Variants in ST6GAL1 observed in about 807,000 individuals in gnomAD.
ST6GAL1 encodes ST6 beta-galactoside alpha-2,6-sialyltransferase 1.
In ST6GAL1, 20 loss-of-function variants were observed where a neutral mutation model predicts 38.0. That is an observed-to-expected ratio of 0.53 (90% confidence interval 0.37 to 0.77). The LOEUF is 0.77. Among genes scored for constraint, ST6GAL1 ranks in the 30% least tolerant of loss-of-function variants. The pLI is 0.00. For missense variants in ST6GAL1, 432 were observed against 496.4 expected (o/e 0.87, Z 1.23); for synonymous variants, 196 against 188.2 (o/e 1.04, Z -0.34).
chr3:187,037,292 C>T (rs967138920), intron 2 of ST6GAL1, among the ~76,000 whole-genome samples: 5 of 152,018 alleles, frequency 3.3e-5, no homozygotes, highest in African/African-American at 1.2e-4. Context: ...TCTAGTTGCC[C>T]CTCTTGGGTT....
Position 187,075,817 on chromosome 3 carries a change from A to G in ST6GAL1, c.*14A>G. ...ATTCACTGCTAAGCACAGGCTCCTC[A>G]CTCTTCTCCATCAGGCATTAAATGA... On this transcript the variant is annotated 3_prime_UTR_variant, in exon 8 of 8. Coordinates refer to ENST00000169298, the MANE Select transcript of ST6GAL1 (RefSeq NM_173216.2). The surrounding 1 kb of genome is among the most constrained non-coding windows in gnomAD (Gnocchi z 4.1). The G allele has an allele frequency of 1.2e-6, 2 of 1,611,902 alleles. No homozygotes were observed. Among genetic ancestry groups the G allele is most frequent in the African/African-American group, 1.3e-5 (1 of 74,804 alleles).
At chr3:187,066,597 CGTGCGTGT>C (rs1553836628) in intron 5 of ST6GAL1, among the ~76,000 whole-genome samples, 6 of 117,046 alleles carry the variant, frequency 5.1e-5, no homozygotes, top group East Asian at 2.7e-4. Flanking sequence ...GATGTGCGTG[CGTGCGTGT>C]GTGTGTGTGT....
At chr3:186,976,697 T>C (rs1257491100) in intron 2 of ST6GAL1, among the ~76,000 whole-genome samples, 3 of 152,228 alleles carry the variant, frequency 2.0e-5, no homozygotes, top group Non-Finnish European at 4.4e-5. Context: ...CCCAAAGTGC[T>C]GAGATTACAG....
At chr3:187,036,136 C>G (rs2108575545) in intron 2 of ST6GAL1, among the ~76,000 whole-genome samples, 1 of 152,080 alleles carries the variant, frequency 6.6e-6, no homozygotes, top group Non-Finnish European at 1.5e-5. Flanking sequence ...TATAAGCTGC[C>G]AACAAACATG....
intron 2 of ST6GAL1, among the ~76,000 whole-genome samples, chr3:187,007,136 T>C (rs1192709914): frequency 6.6e-6 from 1 of 152,174 alleles, no homozygotes; most frequent in African/African-American, 2.4e-5. Context: ...ACTTGAACAA[T>C]GACTCACGAT....
At chr3:186,942,042 G>T (rs896505786) in intron 1 of ST6GAL1, among the ~76,000 whole-genome samples, 2 of 151,890 alleles carry the variant, frequency 1.3e-5, no homozygotes, top group East Asian at 3.9e-4. Flanking sequence ...AAGTAAACTT[G>T]TTTGCCATCA....
Position 187,054,709 on chromosome 3 carries a change from A to G in ST6GAL1, c.705+3363A>G, listed in dbSNP as rs146668425. 6.4e-3 allele frequency among the ~76,000 whole-genome samples: 971 copies of G among 152,264 alleles called. 8 individuals are homozygous for G. Among genetic ancestry groups the G allele is most frequent in the African/African-American group, 0.022 (931 of 41,534 alleles). On this transcript the variant is annotated intron_variant, in intron 5 of 7. Coordinates refer to ENST00000169298, the MANE Select transcript of ST6GAL1 (RefSeq NM_173216.2). ...GCTGGATTTGGTTTGCCAGTATTTTATTGAGGATTTTTGCATCGATGTTCA... is the reference window on the plus strand; with the variant it reads ...GCTGGATTTGGTTTGCCAGTATTTTGTTGAGGATTTTTGCATCGATGTTCA...
intron 2 of ST6GAL1, among the ~76,000 whole-genome samples, chr3:187,013,874 C>T (rs1224606782): frequency 2.6e-5 from 4 of 152,174 alleles, no homozygotes; most frequent in South Asian, 2.1e-4. Context: ...CATGAGCCAC[C>T]GCACCCGGCC....
intron 5 of ST6GAL1, among the ~76,000 whole-genome samples, chr3:187,054,806 G>A (rs928373950): frequency 6.6e-6 from 1 of 152,174 alleles, no homozygotes; most frequent in African/African-American, 2.4e-5. Context: ...GATGATACTT[G>A]CCTCATAAAA....
At chr3:187,072,794 G>C (rs1331307386) in intron 5 of ST6GAL1, 55 bp from the exon 6 acceptor site, 1 of 1,488,306 alleles carries the variant, frequency 6.7e-7, no homozygotes, top group Non-Finnish European at 9.4e-7. Flanking sequence ...ATTACTTCAT[G>C]TCAAACATTT....
In ST6GAL1 at chr3:186,936,017, G is replaced by A. The variant is rs115933887; in HGVS notation, c.-325+5183G>A. ...GTGGAGGGGGTCTTGTGCTTAGCCT[G>A]GGATTACAAAGAGCATGGAGACCCA... On this transcript the variant is annotated intron_variant, in intron 1 of 7. Coordinates refer to ENST00000169298, the MANE Select transcript of ST6GAL1 (RefSeq NM_173216.2). Among the ~76,000 whole-genome samples the A allele has an allele frequency of 5.5e-3, 842 of 152,218 alleles. 5 individuals are homozygous for A. Among genetic ancestry groups the A allele is most frequent in the African/African-American group, 0.019 (785 of 41,516 alleles).
intron 2 of ST6GAL1, chr3:186,964,154 C>T (rs1262836755): frequency 6.6e-6 from 1 of 152,198 alleles, no homozygotes; most frequent in Non-Finnish European, 1.5e-5. Flanking sequence ...GTTGTATTTT[C>T]TCAGTTGCTG....
chr3:187,005,644 A>C (rs1176453099), intron 2 of ST6GAL1, among the ~76,000 whole-genome samples: 7 of 152,142 alleles, frequency 4.6e-5, no homozygotes, highest in Non-Finnish European at 1.0e-4. Flanking sequence ...CTCTTATTAC[A>C]TGCAGTGGAT....
intron 2 of ST6GAL1, chr3:187,038,475 A>G (rs1331191620): frequency 6.6e-6 from 1 of 151,840 alleles, no homozygotes; most frequent in Non-Finnish European, 1.5e-5. Context: ...CGGCCTCCCA[A>G]AGTGCTGGGA....
At chr3:187,026,478 A>G (rs1717540734) in intron 2 of ST6GAL1, among the ~76,000 whole-genome samples, 1 of 152,262 alleles carries the variant, frequency 6.6e-6, no homozygotes. Flanking sequence ...GCTAAAATAA[A>G]GTGATAAAAA....
intron 2 of ST6GAL1, among the ~76,000 whole-genome samples, chr3:187,002,612 C>T (rs1326916756): frequency 1.3e-5 from 2 of 152,166 alleles, no homozygotes; most frequent in Admixed American, 6.5e-5. Context: ...CTCATCAATT[C>T]CTGTCTGTGC....
At chr3:186,935,581 G>A (rs1713921653) in intron 1 of ST6GAL1, among the ~76,000 whole-genome samples, 1 of 152,186 alleles carries the variant, frequency 6.6e-6, no homozygotes, top group Non-Finnish European at 1.5e-5. Context: ...TCCCCACACT[G>A]CTTTCTACAA....
intron 2 of ST6GAL1, among the ~76,000 whole-genome samples, chr3:186,993,555 GTTTTATTTATTTATTTATTT>G (rs1336876310): frequency 1.7e-5 from 2 of 118,590 alleles, no homozygotes; most frequent in African/African-American, 3.3e-5. Context: ...ACTTGACAGA[GTTTTATTTATTTATTTATTT>G]ATTTATTTAT....
chr3:187,002,203 T>C (rs1475770779), intron 2 of ST6GAL1, among the ~76,000 whole-genome samples: 1 of 152,180 alleles, frequency 6.6e-6, no homozygotes, highest in African/African-American at 2.4e-5. Flanking sequence ...GTTTTGGAGA[T>C]GAATGAGCTC....
Sources: allele counts gnomAD v4.1 joint callset (sites outside exome capture counted in the v4.1 genomes callset), GRCh38; gene constraint gnomAD v4.1.1; non-coding constraint Gnocchi (gnomAD v3.1); transcripts MANE v1.5; gene names NCBI Gene and HGNC (gene_info 2026-07-23, HGNC 2026-07-21).